The following CACNA2D1 variants were observed in gnomAD, a reference collection of about 807,000 sequenced individuals.
CACNA2D1 encodes the protein calcium voltage-gated channel auxiliary subunit alpha2delta 1, also known as voltage-dependent calcium channel subunit alpha-2/delta-1.
CACNA2D1 carries 53 observed loss-of-function variants against 171.5 expected under a neutral mutation model. That is an observed-to-expected ratio of 0.31 (90% CI 0.25 to 0.39). CACNA2D1 has a LOEUF of 0.39. Ranked by LOEUF, CACNA2D1 falls within the 10% of genes least tolerant of loss-of-function variation. The pLI is 1.00. For missense variants in CACNA2D1, 903 were observed against 1,299.8 expected, an observed-to-expected ratio of 0.69 and a Z score of 4.69; for synonymous variants, 442 against 443.1, an observed-to-expected ratio of 1.00 and a Z score of 0.03.
intron 1 of CACNA2D1, among the ~76,000 whole-genome samples, chr7:82,424,598 C>T (rs1829016433): frequency 6.6e-6 from 1 of 152,168 alleles, no homozygotes. Context: ...TAATCCTTTA[C>T]ATTTCAAAAG....
intron 2 of CACNA2D1, among the ~76,000 whole-genome samples, chr7:82,342,467 C>T (rs1382245445): frequency 6.6e-6 from 1 of 152,052 alleles, no homozygotes; most frequent in Non-Finnish European, 1.5e-5. Context: ...CAACTTCTTC[C>T]CTGTATTTTA....
chr7:81,956,216 C>T (rs62463623), intron 38 of CACNA2D1, among the ~76,000 whole-genome samples: 1 of 151,412 alleles, frequency 6.6e-6, no homozygotes, highest in South Asian at 2.1e-4. Flanking sequence ...TCAGGTGATG[C>T]ACCCACCTCG....
At chr7:82,145,447 AT>A (rs1792895779) in intron 4 of CACNA2D1, among the ~76,000 whole-genome samples, 1 of 131,116 alleles carries the variant, frequency 7.6e-6, no homozygotes, top group Non-Finnish European at 1.6e-5. Flanking sequence ...TACATGTATA[AT>A]TTTTATATAT....
At chr7:82,359,294 G>A (rs1224201524) in intron 1 of CACNA2D1, among the ~76,000 whole-genome samples, 2 of 151,942 alleles carry the variant, frequency 1.3e-5, no homozygotes, top group Non-Finnish European at 2.9e-5. Context: ...AGCCTAATTC[G>A]AGCATGTATT....
intron 1 of CACNA2D1, among the ~76,000 whole-genome samples, chr7:82,440,760 A>T (rs768420520): frequency 4.0e-5 from 6 of 151,892 alleles, no homozygotes; most frequent in Non-Finnish European, 8.8e-5. Context: ...TAACTGACAC[A>T]TCATTTGTTT....
chr7:81,954,584 C>G (rs1335252742), intron 38 of CACNA2D1, among the ~76,000 whole-genome samples: 2 of 152,078 alleles, frequency 1.3e-5, no homozygotes, highest in African/African-American at 4.8e-5. Context: ...CCTGGGACAA[C>G]TAATTGCATA....
chr7:82,244,767 C>A (rs1465823357), intron 3 of CACNA2D1, among the ~76,000 whole-genome samples: 2 of 152,072 alleles, frequency 1.3e-5, no homozygotes, highest in African/African-American at 4.8e-5. Context: ...ATCCTTGATA[C>A]AGTGTCCTCT....
At chr7:82,076,382 T>C (rs1037628371) in intron 7 of CACNA2D1, among the ~76,000 whole-genome samples, 5 of 152,134 alleles carry the variant, frequency 3.3e-5, no homozygotes, top group African/African-American at 1.2e-4. Context: ...AACTTTACTG[T>C]TCTAAGTTAA....
At chr7:82,082,100 G>T (rs13246440) in intron 7 of CACNA2D1, among the ~76,000 whole-genome samples, 6,533 of 152,248 alleles carry the variant, frequency 0.043, 203 homozygotes, top group Non-Finnish European at 0.067. Flanking sequence ...ATGGATGGTG[G>T]CAGGTTAACA....
intron 7 of CACNA2D1, among the ~76,000 whole-genome samples, chr7:82,080,164 T>C (rs1449315648): frequency 6.7e-6 from 1 of 150,258 alleles, no homozygotes; most frequent in East Asian, 2.0e-4. Context: ...TATATGTATA[T>C]AGGTGTGTAT....
At chr7:82,347,952 G>GTTT (rs1191142447) in intron 2 of CACNA2D1, among the ~76,000 whole-genome samples, 3 of 152,002 alleles carry the variant, frequency 2.0e-5, no homozygotes, top group Non-Finnish European at 4.4e-5. Context: ...TTGCAAAAAA[G>GTTT]CAGATTCAGA....
intron 34 of CACNA2D1, 119 bp from the exon 35 acceptor site, chr7:81,962,614 TTTTA>T: frequency 1.4e-6 from 1 of 696,432 alleles, no homozygotes; most frequent in East Asian, 2.7e-5. Context: ...CTTGGAGTGT[TTTTA>T]TTTAAGTATT....
intron 5 of CACNA2D1, among the ~76,000 whole-genome samples, chr7:82,133,356 G>A (rs940890892): frequency 1.3e-5 from 2 of 152,080 alleles, no homozygotes; most frequent in East Asian, 3.9e-4. Context: ...CCCATGTTGA[G>A]GGCAAAATCT....
At chr7:82,443,956 C>T (rs1484245234), upstream of CACNA2D1, among the ~76,000 whole-genome samples, 4 of 144,294 alleles carry the variant, frequency 2.8e-5, no homozygotes, top group East Asian at 8.3e-4. Context: ...TTAGGCAAGT[C>T]AGAGGGAGGC....
chr7:82,182,727 A>G (rs142915890), intron 3 of CACNA2D1, among the ~76,000 whole-genome samples: 5 of 152,282 alleles, frequency 3.3e-5, no homozygotes, highest in African/African-American at 9.6e-5. Flanking sequence ...GCATATGCAT[A>G]TATGAAATGA....
chr7:82,156,270 T>C (rs1280802761), intron 4 of CACNA2D1, among the ~76,000 whole-genome samples: 1 of 152,192 alleles, frequency 6.6e-6, no homozygotes, highest in East Asian at 1.9e-4. Context: ...CATGGCTATT[T>C]AGTTACTTGT....
At chr7:82,194,557 A>C (rs1263080615) in intron 3 of CACNA2D1, among the ~76,000 whole-genome samples, 1 of 151,982 alleles carries the variant, frequency 6.6e-6, no homozygotes, top group Non-Finnish European at 1.5e-5. Flanking sequence ...ATTAAACTAA[A>C]GTCCAAGCTG....
At chr7:82,264,198 C>T (rs1008620891) in intron 3 of CACNA2D1, among the ~76,000 whole-genome samples, 3 of 152,146 alleles carry the variant, frequency 2.0e-5, no homozygotes, top group African/African-American at 7.2e-5. Flanking sequence ...AAAATGCACA[C>T]TTAATGATAC....
chr7:82,244,312 A>T (rs1804659110), intron 3 of CACNA2D1, among the ~76,000 whole-genome samples: 1 of 152,132 alleles, frequency 6.6e-6, no homozygotes, highest in Admixed American at 6.6e-5. Context: ...CCTACCCAGA[A>T]ATCATTTTAT....
Sources: allele counts gnomAD v4.1 joint callset (sites outside exome capture counted in the v4.1 genomes callset), GRCh38; gene constraint gnomAD v4.1.1; transcripts MANE v1.5; gene names NCBI Gene and HGNC (gene_info 2026-07-23, HGNC 2026-07-21).